JAZF1: variants seen among roughly 807,000 people sequenced by gnomAD.
The protein encoded by JAZF1 is JAZF zinc finger 1.
In JAZF1, 8 loss-of-function variants were observed where a neutral mutation model predicts 26.4. That is an observed-to-expected ratio of 0.30 (90% CI 0.18 to 0.55). JAZF1 has a LOEUF of 0.55. JAZF1 is among the 20% of genes least tolerant of loss of function. The probability of loss-of-function intolerance (pLI) is 0.94; values close to 1 mark genes in which losing one functional copy is unlikely to be tolerated. For synonymous variants in JAZF1, 126 were observed against 122.3 expected (o/e 1.03, Z -0.20); for missense variants, 199 against 322.0 (o/e 0.62, Z 2.92).
intron 3 of JAZF1, among the ~76,000 whole-genome samples, chr7:27,867,509 A>G (rs1583438492): frequency 6.6e-6 from 1 of 152,308 alleles, no homozygotes; most frequent in South Asian, 2.1e-4. Flanking sequence ...GATTTTTAAG[A>G]AGGCTATTTG....
chr7:27,966,836 A>T (rs904383930), intron 2 of JAZF1, among the ~76,000 whole-genome samples: 1 of 152,170 alleles, frequency 6.6e-6, no homozygotes, highest in African/African-American at 2.4e-5. Flanking sequence ...TGAGATTCTG[A>T]CCTGGTAACT....
chr7:27,838,762 CTGGTCACAGGTG>C (rs1261786615), intron 4 of JAZF1, among the ~76,000 whole-genome samples: 1 of 152,240 alleles, frequency 6.6e-6, no homozygotes, highest in African/African-American at 2.4e-5. Context: ...TCTCCAGCGC[CTGGTCACAGGTG>C]TGGTCACAAG....
At chr7:27,917,995 C>T (rs983533112) in intron 2 of JAZF1, among the ~76,000 whole-genome samples, 8 of 152,088 alleles carry the variant, frequency 5.3e-5, no homozygotes, top group Non-Finnish European at 1.2e-4. Flanking sequence ...AGAGAATGCA[C>T]AAGCGATGAT....
chr7:28,028,488 T>C (rs1368556035), intron 1 of JAZF1, among the ~76,000 whole-genome samples: 1 of 152,228 alleles, frequency 6.6e-6, no homozygotes, highest in Admixed American at 6.5e-5. Flanking sequence ...AGGCAATATG[T>C]AGAGATGTTG....
intron 1 of JAZF1, among the ~76,000 whole-genome samples, chr7:28,130,939 C>T (rs2127941756): frequency 6.6e-6 from 1 of 152,244 alleles, no homozygotes; most frequent in South Asian, 2.1e-4. Context: ...TGGAATCAGA[C>T]CCATGGATCC....
chr7:28,126,283 G>A (rs868185650), intron 1 of JAZF1, among the ~76,000 whole-genome samples: 2 of 152,192 alleles, frequency 1.3e-5, no homozygotes, highest in Non-Finnish European at 2.9e-5. Flanking sequence ...GGGAGCTGGA[G>A]ACACAGAAGT....
At chr7:27,940,852 T>C (rs1784836572) in intron 2 of JAZF1, among the ~76,000 whole-genome samples, 1 of 152,266 alleles carries the variant, frequency 6.6e-6, no homozygotes, top group Non-Finnish European at 1.5e-5. Context: ...TAAATACTAA[T>C]GTTCTCACTT....
At chr7:28,179,238 C>T (rs1219970832) in intron 1 of JAZF1, among the ~76,000 whole-genome samples, 1 of 152,216 alleles carries the variant, frequency 6.6e-6, no homozygotes. Context: ...AACTCGCTGG[C>T]GTCGGTCACA....
chr7:27,987,108 G>A (rs142535304), intron 2 of JAZF1, among the ~76,000 whole-genome samples: 27,341 of 151,584 alleles, frequency 0.18, 2,582 homozygotes, highest in South Asian at 0.25. Context: ...GTCTCTGCCT[G>A]GCCACCCATC....
chr7:28,044,442 G>A (rs548888931), intron 1 of JAZF1, among the ~76,000 whole-genome samples: 1 of 152,196 alleles, frequency 6.6e-6, no homozygotes, highest in East Asian at 1.9e-4. Flanking sequence ...CCTATGGACT[G>A]GACATCCCAT....
At chr7:27,901,079 T>G (rs1233683650) in intron 2 of JAZF1, among the ~76,000 whole-genome samples, 1 of 152,102 alleles carries the variant, frequency 6.6e-6, no homozygotes, top group Non-Finnish European at 1.5e-5. Context: ...ACACTGAATA[T>G]TTCTTAAAGA....
At chr7:27,924,711 A>C (rs150025933) in intron 2 of JAZF1, among the ~76,000 whole-genome samples, 54 of 152,358 alleles carry the variant, frequency 3.5e-4, no homozygotes, top group African/African-American at 1.0e-3. Flanking sequence ...ATTTGCTGTC[A>C]TATGAAGGTA....
chr7:27,929,014 G>A (rs1248592486), intron 2 of JAZF1, among the ~76,000 whole-genome samples: 2 of 152,146 alleles, frequency 1.3e-5, no homozygotes, highest in Admixed American at 6.5e-5. Flanking sequence ...TCACCTACAG[G>A]CTCAAAATCT....
At chr7:28,127,768 T>C (rs1472539674) in intron 1 of JAZF1, among the ~76,000 whole-genome samples, 1 of 151,974 alleles carries the variant, frequency 6.6e-6, no homozygotes, top group Non-Finnish European at 1.5e-5. Flanking sequence ...GGAAAGCAAA[T>C]GCAACCTTCT....
At chr7:27,885,195 C>G (rs1209684959) in intron 3 of JAZF1, among the ~76,000 whole-genome samples, 1 of 152,198 alleles carries the variant, frequency 6.6e-6, no homozygotes, top group Admixed American at 6.5e-5. Flanking sequence ...TTGGATAGCA[C>G]AAAGGGGTGT....
chr7:27,994,938 G>C (rs1785983895), intron 1 of JAZF1, among the ~76,000 whole-genome samples: 1 of 152,170 alleles, frequency 6.6e-6, no homozygotes, highest in African/African-American at 2.4e-5. Flanking sequence ...TAGGAGGAGA[G>C]AGACAAGAGA....
intron 2 of JAZF1, among the ~76,000 whole-genome samples, chr7:27,987,135 G>T (rs1785735511): frequency 6.6e-6 from 1 of 151,736 alleles, no homozygotes; most frequent in South Asian, 2.1e-4. Context: ...GATGTGAGGA[G>T]CCCCTCTGCC....
At chr7:27,946,206 T>G (rs1251314091) in intron 2 of JAZF1, among the ~76,000 whole-genome samples, 2 of 152,202 alleles carry the variant, frequency 1.3e-5, no homozygotes, top group Non-Finnish European at 2.9e-5. Context: ...AGGACATAAC[T>G]TCATTATAAA....
chr7:27,844,633 A>G (rs1470395778), intron 3 of JAZF1: 6 of 152,242 alleles, frequency 3.9e-5, no homozygotes, highest in Non-Finnish European at 7.3e-5. Context: ...CAGAAACCAC[A>G]TATGCAAAGA....
Sources: gnomAD v4.1 joint callset for allele counts (sites outside exome capture counted in the v4.1 genomes callset) on GRCh38, gnomAD v4.1.1 for gene constraint, MANE v1.5 for transcripts, NCBI Gene and HGNC (gene_info 2026-07-23, HGNC 2026-07-21) for gene names.